KIF13B: variants seen among roughly 807,000 people sequenced by gnomAD.
KIF13B encodes the protein kinesin-like protein KIF13B.
In KIF13B, 127 loss-of-function variants were observed where a neutral mutation model predicts 222.0. The observed-to-expected ratio is 0.57, with a 90% CI of 0.50 to 0.66. KIF13B has a LOEUF of 0.66. Ranked by LOEUF, KIF13B falls within the 30% of genes least tolerant of loss-of-function variation. KIF13B has a pLI of 0.00. For synonymous variants in KIF13B, 976 were observed against 919.0 expected, an observed-to-expected ratio of 1.06 and a Z score of -1.12; for missense variants, 2,173 against 2,379.0, an observed-to-expected ratio of 0.91 and a Z score of 1.80.
At chr8:29,143,792 G>A (rs1047089805) in intron 18 of KIF13B, among the ~76,000 whole-genome samples, 1 of 151,868 alleles carries the variant, frequency 6.6e-6, no homozygotes, top group African/African-American at 2.4e-5. Flanking sequence ...GCAGTGAGCC[G>A]AGATCGCGCC....
Position 29,176,129 on chromosome 8 carries a change from G to C in KIF13B, c.884C>G (p.Ala295Gly). The C allele has an allele frequency of 6.2e-7, 1 of 1,613,690 alleles. No individual in the cohort carries two copies. The highest frequency in any genetic ancestry group is 8.5e-7 in the Non-Finnish European group (1 of 1,179,730). ...LVISALADQSAGKNKNKFVPY... is the reference protein window; with the variant it reads ...LVISALADQSGGKNKNKFVPY... The stretch of plus-strand genomic sequence containing the variant: ...AACAAATTTATTCTTGTTTTTGCCA[G>C]CACTCTGATCTGCAAGAGCTGAGAT... Residue 295 changes from alanine (A) to glycine (G), a missense_variant, in exon 10 of 40, where the codon GCT becomes GGT. Around this residue, in one of 2 missense-constraint regions of KIF13B, gnomAD observed 1,480 missense variants for 1,722.8 expected, o/e 0.86. Transcript: ENST00000524189.
chr8:29,138,684 T>TA (rs1337775544), intron 21 of KIF13B: 2 of 152,166 alleles, frequency 1.3e-5, no homozygotes, highest in Non-Finnish European at 2.9e-5. Context: ...AGCAAATGCA[T>TA]CTTAACATAC....
intron 37 of KIF13B, among the ~76,000 whole-genome samples, chr8:29,089,435 T>C (rs549377573): frequency 2.6e-5 from 4 of 152,220 alleles, no homozygotes; most frequent in African/African-American, 9.6e-5. Flanking sequence ...CAAGACCCTG[T>C]CTCTAAAATA....
At position 29,167,537 on chromosome 8, in the gene KIF13B, G is replaced by C. The variant is rs1028056429; in HGVS notation, c.994C>G (p.Pro332Ala). The change falls in exon 11 of 40, where the codon CCT becomes GCT. Residue 332 changes from proline (P) to alanine (A), a missense_variant. Pro to Ala is a conservative substitution (Grantham distance 27). Coordinates refer to ENST00000524189, the MANE Select transcript of KIF13B (RefSeq NM_015254.4). ...SKTAMVATVS[P>A]AADNYDETLS... is the part of the protein sequence containing the mutation. Reference sequence around the variant, plus strand: ...GTTTCATCATAGTTATCAGCTGCAGGACTCACAGTAGCCACCATGGCGGTC... The same window carrying C: ...GTTTCATCATAGTTATCAGCTGCAGCACTCACAGTAGCCACCATGGCGGTC... The C allele has an allele frequency of 6.2e-7, 1 of 1,614,022 alleles. No individual in the cohort carries two copies. Among genetic ancestry groups the C allele is most frequent in the Admixed American group, 1.7e-5 (1 of 60,026 alleles).
chr8:29,154,022 T>G (rs1459644361), intron 14 of KIF13B, among the ~76,000 whole-genome samples: 1 of 152,270 alleles, frequency 6.6e-6, no homozygotes, highest in Non-Finnish European at 1.5e-5. Context: ...TAAAAGTAAC[T>G]GGATCTTGGC....
chr8:29,153,936 G>A (rs1337915383), intron 14 of KIF13B, among the ~76,000 whole-genome samples: 1 of 152,156 alleles, frequency 6.6e-6, no homozygotes, highest in Non-Finnish European at 1.5e-5. Context: ...TATAGTATTC[G>A]TGATTTATGT....
intron 26 of KIF13B, among the ~76,000 whole-genome samples, chr8:29,124,463 T>C (rs1810019474): frequency 6.6e-6 from 1 of 152,134 alleles, no homozygotes; most frequent in African/African-American, 2.4e-5. Flanking sequence ...AATCTTCCAA[T>C]ATGGCTGGGC....
intron 35 of KIF13B, among the ~76,000 whole-genome samples, chr8:29,107,626 T>C (rs1340813875): frequency 2.0e-5 from 3 of 151,774 alleles, no homozygotes; most frequent in South Asian, 2.1e-4. Flanking sequence ...GTGGTGCGAT[T>C]TTGGCTCACT....
chr8:29,086,433 A>T (rs1024077158), intron 37 of KIF13B, among the ~76,000 whole-genome samples: 4 of 152,162 alleles, frequency 2.6e-5, no homozygotes, highest in African/African-American at 9.7e-5. Flanking sequence ...AGGTTAGAGG[A>T]TCACCTGAGC....
chr8:29,241,787 G>A (rs933581304), intron 2 of KIF13B, among the ~76,000 whole-genome samples: 1 of 150,918 alleles, frequency 6.6e-6, no homozygotes, highest in African/African-American at 2.4e-5. Flanking sequence ...ATTTTATTCA[G>A]TCTCGGCCCT....
chr8:29,158,306 A>T (rs894550376), intron 13 of KIF13B, among the ~76,000 whole-genome samples: 11 of 152,214 alleles, frequency 7.2e-5, no homozygotes, highest in African/African-American at 2.7e-4. Context: ...TTAAAAAAAT[A>T]TAAAAATAAA....
Position 29,122,596 on chromosome 8 carries a change from A to G in KIF13B, c.3530T>C (p.Leu1177Ser). Residue 1177 changes from leucine (L) to serine (S), a missense_variant, in exon 29 of 40, where the codon TTA becomes TCA. Physicochemically the swap from Leu to Ser is moderately radical, Grantham distance 145 (BLOSUM62 -2). Coordinates refer to ENST00000524189, the MANE Select transcript of KIF13B (RefSeq NM_015254.4). The stretch of plus-strand genomic sequence containing the variant: ...GAAAACACCTCCTAACTTACCATTT[A>G]AGTCCAGGAATATAACAGGAATGTG... ...ETHIPVIFLDLNADDFSSQDN... is the reference protein window; with the variant it reads ...ETHIPVIFLDSNADDFSSQDN... The G allele has an allele frequency of 6.2e-7, 1 of 1,609,362 alleles. No homozygotes were observed. Among genetic ancestry groups the G allele is most frequent in the African/African-American group, 1.3e-5 (1 of 75,036 alleles).
intron 2 of KIF13B, among the ~76,000 whole-genome samples, chr8:29,238,058 G>A (rs1815591902): frequency 6.6e-6 from 1 of 152,134 alleles, no homozygotes; most frequent in South Asian, 2.1e-4. Flanking sequence ...AGAAATATTA[G>A]CCCCACTCAA....
intron 2 of KIF13B, among the ~76,000 whole-genome samples, chr8:29,216,346 T>C (rs34900586): frequency 0.046 from 6,952 of 152,166 alleles, 337 homozygotes; most frequent in African/African-American, 0.12. Context: ...CCTGTAATCC[T>C]AGCACTTTGG....
At chr8:29,216,429 T>A (rs973280250) in intron 2 of KIF13B, among the ~76,000 whole-genome samples, 4 of 152,032 alleles carry the variant, frequency 2.6e-5, no homozygotes, top group Non-Finnish European at 5.9e-5. Context: ...AAACCCCACC[T>A]CTACTAAAAA....
chr8:29,123,383 T>C lies in KIF13B; in HGVS notation c.3462A>G (p.Pro1154=), dbSNP rs1401297883. 2 of 1,613,838 alleles carry C rather than the reference T, an allele frequency of 1.2e-6. No individual in the cohort carries two copies. Among genetic ancestry groups the C allele is most frequent in the African/African-American group, 2.7e-5 (2 of 74,938 alleles). Reference sequence around the variant, plus strand: ...GTTCATACCATTCTGCTGGGGCCCCTGGAATACCACTGCCAGCAGAGGGGA... The same window carrying C: ...GTTCATACCATTCTGCTGGGGCCCCCGGAATACCACTGCCAGCAGAGGGGA... The part of the protein sequence containing the change: ...VMVPSAGSGI[P]GAPAEWTPVP... The change falls in exon 28 of 40, where the codon CCA becomes CCG. Residue 1154 remains proline (P), a synonymous_variant. Transcript: ENST00000524189.
chr8:29,101,513 C>G (rs373706132), intron 35 of KIF13B, among the ~76,000 whole-genome samples: 2 of 152,126 alleles, frequency 1.3e-5, no homozygotes, highest in African/African-American at 2.4e-5. Flanking sequence ...ACCCAGGCCC[C>G]GATGGCTTCA....
Position 29,070,737 on chromosome 8 carries a change from G to C in KIF13B, c.5248C>G (p.Gln1750Glu). The C allele has an allele frequency of 6.4e-7, 1 of 1,564,788 alleles. No individual in the cohort carries two copies. The highest frequency in any genetic ancestry group is 8.7e-7 in the Non-Finnish European group (1 of 1,155,194). ...GKNDGSIGGKQYFRCNPGYGL... is the reference protein window; with the variant it reads ...GKNDGSIGGKEYFRCNPGYGL... ...TAGCCAGGGTTACACCTGAAGTACT[G>C]CTTCCCGCCGATGGAACCGTCATTC... The change falls in exon 40 of 40, where the codon CAG becomes GAG. Residue 1750 changes from glutamine (Q) to glutamate (E), a missense_variant. This residue lies in a region of KIF13B where 693 missense variants were observed against 656.2 expected (regional missense o/e 1.06). Coordinates refer to ENST00000524189, the MANE Select transcript of KIF13B (RefSeq NM_015254.4). This position sits in a 1 kb window ranked among gnomAD's most constrained non-coding sequence, Gnocchi z 4.1.
intron 32 of KIF13B, 66 bp from the exon 33 acceptor site, chr8:29,110,136 CACACACAG>C: frequency 2.4e-6 from 3 of 1,232,798 alleles, no homozygotes; most frequent in Non-Finnish European, 3.4e-6. Flanking sequence ...TACACGCGTG[CACACACAG>C]ACACACAGAA....
Sources: gnomAD v4.1 joint callset for allele counts (sites outside exome capture counted in the v4.1 genomes callset) on GRCh38, gnomAD v4.1.1 for gene constraint, gnomAD v4.1.1 regional missense constraint, Gnocchi (gnomAD v3.1) non-coding constraint, MANE v1.5 for transcripts, NCBI Gene and HGNC (gene_info 2026-07-23, HGNC 2026-07-21) for gene names.